RALA: variants seen among roughly 807,000 people sequenced by gnomAD.
RALA encodes the protein ras-related protein Ral-A.
RALA carries 5 observed loss-of-function variants against 24.0 expected under a neutral mutation model. The ratio of observed to expected loss-of-function variants is 0.21; its 90% CI spans 0.11 to 0.44. The LOEUF is 0.44. Among genes scored for constraint, RALA ranks in the 20% least tolerant of loss-of-function variants. The pLI, the probability that RALA is intolerant of heterozygous loss-of-function variation, is 0.99. For synonymous variants in RALA, 77 were observed against 83.8 expected, an observed-to-expected ratio of 0.92 and a Z score of 0.44; for missense variants, 95 against 241.2, an observed-to-expected ratio of 0.39 and a Z score of 4.01.
intron 1 of RALA, among the ~76,000 whole-genome samples, chr7:39,678,318 A>G (rs1207064276): frequency 6.6e-6 from 1 of 152,202 alleles, no homozygotes; most frequent in African/African-American, 2.4e-5. Flanking sequence ...AAACTAATAC[A>G]TTGTGGAACC....
chr7:39,681,704 A>G (rs1341378247), intron 1 of RALA, among the ~76,000 whole-genome samples: 1 of 151,982 alleles, frequency 6.6e-6, no homozygotes, highest in Non-Finnish European at 1.5e-5. Context: ...ATCTATCTTC[A>G]TCTTCTCCCT....
chr7:39,644,226 TGTTAAGA>T (rs749011336), intron 1 of RALA, among the ~76,000 whole-genome samples: 4 of 152,072 alleles, frequency 2.6e-5, no homozygotes, highest in South Asian at 2.1e-4. Flanking sequence ...AATTTGTATG[TGTTAAGA>T]GTTAAGTGTA....
At chr7:39,688,779 G>A (rs527806069) in intron 2 of RALA, among the ~76,000 whole-genome samples, 28 of 152,114 alleles carry the variant, frequency 1.8e-4, no homozygotes, top group Middle Eastern at 3.4e-3. Flanking sequence ...GTATCCGTCT[G>A]TTCTCACACT....
At chr7:39,663,558 C>T (rs1562615638) in intron 1 of RALA, among the ~76,000 whole-genome samples, 1 of 151,402 alleles carries the variant, frequency 6.6e-6, no homozygotes, top group Non-Finnish European at 1.5e-5. Flanking sequence ...CTGATATGTA[C>T]CATAGATTGA....
intron 1 of RALA, among the ~76,000 whole-genome samples, chr7:39,649,748 A>C (rs1791989254): frequency 6.6e-6 from 1 of 152,200 alleles, no homozygotes; most frequent in African/African-American, 2.4e-5. Flanking sequence ...TCATGAAAGG[A>C]ATGAATGTAG....
At chr7:39,704,448 GC>G (rs1455725277) in intron 4 of RALA, among the ~76,000 whole-genome samples, 1 of 151,180 alleles carries the variant, frequency 6.6e-6, no homozygotes, top group African/African-American at 2.4e-5. Context: ...CTCTCGAGTA[GC>G]TGGGATTACA....
intron 1 of RALA, among the ~76,000 whole-genome samples, chr7:39,643,972 A>T (rs1791883440): frequency 6.6e-6 from 1 of 152,230 alleles, no homozygotes; most frequent in Admixed American, 6.5e-5. Flanking sequence ...CCCTGAATTC[A>T]TAATAGCCTC....
intron 1 of RALA, among the ~76,000 whole-genome samples, chr7:39,683,259 T>C (rs1477873429): frequency 6.6e-6 from 1 of 152,152 alleles, no homozygotes; most frequent in Admixed American, 6.6e-5. Flanking sequence ...ACTCTGGCCT[T>C]CTTCTGCTTC....
intron 1 of RALA, among the ~76,000 whole-genome samples, chr7:39,658,472 A>G (rs1583722812): frequency 6.6e-6 from 1 of 152,144 alleles, no homozygotes; most frequent in African/African-American, 2.4e-5. Context: ...CTGTTTTTGT[A>G]TGTATATATA....
rs571717440 is a variant in RALA, at chr7:39,692,068, C to G, written c.323+1478C>G. Among the ~76,000 whole-genome samples the G allele has an allele frequency of 2.6e-5, 4 of 152,276 alleles. No homozygotes were observed. In the South Asian group the frequency reaches 8.3e-4, roughly 32 times the overall value. ...GCCTCTGCCATAAATAAAAATGACCCTAGTGACTCACCAACAATATTGTTG... is the reference window on the plus strand; with the variant it reads ...GCCTCTGCCATAAATAAAAATGACCGTAGTGACTCACCAACAATATTGTTG... On this transcript the variant is annotated intron_variant, in intron 3 of 4. Coordinates refer to ENST00000005257, the MANE Select transcript of RALA (RefSeq NM_005402.4).
intron 4 of RALA, among the ~76,000 whole-genome samples, chr7:39,699,118 GTTATTT>G (rs1792970626): frequency 3.6e-5 from 3 of 84,136 alleles, no homozygotes; most frequent in African/African-American, 1.4e-4. Flanking sequence ...TGCTAAAAAT[GTTATTT>G]TTTTTTTTTT....
chr7:39,663,629 T>TA (rs545716511), intron 1 of RALA, among the ~76,000 whole-genome samples: 10,416 of 137,932 alleles, frequency 0.076, 441 homozygotes, highest in Non-Finnish European at 0.1. Context: ...AGGGACATTG[T>TA]AAAAAAAAAA....
chr7:39,659,647 T>C (rs1285033822), intron 1 of RALA, among the ~76,000 whole-genome samples: 3 of 152,160 alleles, frequency 2.0e-5, no homozygotes, highest in Non-Finnish European at 2.9e-5. Context: ...TGGTAATTTG[T>C]GTGTTATTAT....
At chr7:39,632,351 GAAC>G (rs1791611891) in intron 1 of RALA, among the ~76,000 whole-genome samples, 1 of 152,012 alleles carries the variant, frequency 6.6e-6, no homozygotes, top group African/African-American at 2.4e-5. Context: ...AATATCTCCA[GAAC>G]AAGATTAAAT....
At chr7:39,686,552 C>T in intron 1 of RALA, 79 bp from the exon 2 acceptor site, 3 of 803,700 alleles carry the variant, frequency 3.7e-6, no homozygotes, top group Non-Finnish European at 6.2e-6. Flanking sequence ...ATATTGAACT[C>T]TAAGGACATA....
At chr7:39,706,066 G>A (rs535166301) in intron 4 of RALA, 57 bp from the exon 5 acceptor site, 2 of 1,465,616 alleles carry the variant, frequency 1.4e-6, no homozygotes, top group South Asian at 2.5e-5. Flanking sequence ...GTGATTTGGA[G>A]AAGTACCAAG....
chr7:39,665,648 GTTT>G (rs34551838), intron 1 of RALA, among the ~76,000 whole-genome samples: 2 of 145,552 alleles, frequency 1.4e-5, no homozygotes. Context: ...CTGCAATGTA[GTTT>G]TTTTTTTTTT....
chr7:39,676,265 G>A (rs997458431), intron 1 of RALA, among the ~76,000 whole-genome samples: 9 of 152,252 alleles, frequency 5.9e-5, no homozygotes, highest in Admixed American at 2.0e-4. Context: ...ATGAGCCACC[G>A]CACCCAGCCG....
intron 1 of RALA, among the ~76,000 whole-genome samples, chr7:39,637,088 G>T (rs768474579): frequency 9.2e-5 from 14 of 152,172 alleles, no homozygotes; most frequent in Non-Finnish European, 1.6e-4. Context: ...AAAATTTGTG[G>T]TATAGCAAAT....
Sources: allele counts gnomAD v4.1 joint callset (sites outside exome capture counted in the v4.1 genomes callset), GRCh38; gene constraint gnomAD v4.1.1; transcripts MANE v1.5; gene names NCBI Gene and HGNC (gene_info 2026-07-23, HGNC 2026-07-21).